The following ABCA4 variants were observed in gnomAD, a reference collection of about 807,000 sequenced individuals.
The protein encoded by ABCA4 is retinal-specific phospholipid-transporting ATPase ABCA4.
Under a neutral mutation model 263.7 loss-of-function variants are expected in ABCA4, and 196 were observed. The ratio of observed to expected loss-of-function variants is 0.74; its 90% confidence interval spans 0.66 to 0.84. ABCA4 has a LOEUF of 0.84. Ranked by LOEUF, ABCA4 falls within the 40% of genes least tolerant of loss-of-function variation. ABCA4 has a pLI of 0.00. For missense variants in ABCA4, 2,792 were observed against 2,855.1 expected (o/e 0.98, Z 0.50); for synonymous variants, 1,133 against 1,094.2 (o/e 1.04, Z -0.70).
intron 36 of ABCA4, among the ~76,000 whole-genome samples, chr1:94,016,871 G>A (rs939146641): frequency 3.3e-5 from 5 of 152,106 alleles, no homozygotes; most frequent in African/African-American, 1.2e-4. Flanking sequence ...CAGGAACCAG[G>A]GCTTCTTGGG....
chr1:94,023,854 C>T (rs976303799), intron 31 of ABCA4, among the ~76,000 whole-genome samples: 1 of 152,176 alleles, frequency 6.6e-6, no homozygotes, highest in African/African-American at 2.4e-5. Flanking sequence ...AAAGTTAAGG[C>T]ACTGACATTC....
chr1:94,114,385 T>C (rs1570435368), intron 1 of ABCA4, among the ~76,000 whole-genome samples: 1 of 152,230 alleles, frequency 6.6e-6, no homozygotes, highest in East Asian at 1.9e-4. Flanking sequence ...TGTAACTTTT[T>C]ACAAGATGTT....
At chr1:94,001,162 T>G in intron 45 of ABCA4, 57 bp from the exon 46 acceptor site, 1 of 1,418,952 alleles carries the variant, frequency 7.0e-7, no homozygotes, top group Admixed American at 1.7e-5. Flanking sequence ...TTCTGATTAC[T>G]GCTTCCCCCT....
chr1:94,062,967 T>C (rs1661172599), intron 12 of ABCA4, 145 bp downstream of exon 12: 1 of 1,053,316 alleles, frequency 9.5e-7, no homozygotes, highest in Non-Finnish European at 1.4e-6. Flanking sequence ...AAGGACTCTT[T>C]GTTGAGCTTT....
intron 6 of ABCA4, among the ~76,000 whole-genome samples, chr1:94,091,515 T>C (rs1157549899): frequency 6.6e-6 from 1 of 151,802 alleles, no homozygotes; most frequent in Non-Finnish European, 1.5e-5. Flanking sequence ...TAAGTTTAGT[T>C]GGAATGGAAC....
At chr1:94,044,562 G>A (rs2101053259) in intron 20 of ABCA4, 51 bp downstream of exon 20, 1 of 1,614,004 alleles carries the variant, frequency 6.2e-7, no homozygotes, top group South Asian at 1.1e-5. Context: ...GTGTGCTGGG[G>A]GCAGAGGTGA....
At chr1:94,013,031 A>T (rs2101011041) in intron 38 of ABCA4, among the ~76,000 whole-genome samples, 1 of 150,878 alleles carries the variant, frequency 6.6e-6, no homozygotes, top group South Asian at 2.1e-4. Flanking sequence ...TGCTTAGCAA[A>T]TGTTGGCTAA....
intron 4 of ABCA4, among the ~76,000 whole-genome samples, chr1:94,106,647 G>A (rs1662444236): frequency 6.6e-6 from 1 of 152,212 alleles, no homozygotes; most frequent in Non-Finnish European, 1.5e-5. Flanking sequence ...AATGCAGTTT[G>A]TAGAAGTTAC....
intron 1 of ABCA4, among the ~76,000 whole-genome samples, chr1:94,117,758 C>T (rs952622532): frequency 2.0e-5 from 3 of 152,130 alleles, no homozygotes; most frequent in African/African-American, 7.2e-5. Context: ...TCCTTCTACT[C>T]CACGGTCTCC....
intron 11 of ABCA4, among the ~76,000 whole-genome samples, chr1:94,077,394 A>G (rs1443208758): frequency 6.6e-6 from 1 of 152,310 alleles, no homozygotes; most frequent in East Asian, 1.9e-4. Flanking sequence ...CACTCAAGCA[A>G]TGTCAGACAG....
rs575968112 is a variant in ABCA4, at chr1:94,006,191, A to T, written c.6006-609T>A. On this transcript the variant is annotated intron_variant, in intron 43 of 49. Transcript: ENST00000370225. ...AGTCTAATCTCATCCTTTTCTTCTTATAGCTTAGGGTCTATGAATAAAGGA... is the reference window on the plus strand; with the variant it reads ...AGTCTAATCTCATCCTTTTCTTCTTTTAGCTTAGGGTCTATGAATAAAGGA... Among the ~76,000 whole-genome samples, 569 of 152,326 alleles carry T rather than the reference A, an allele frequency of 3.7e-3. No individual in the cohort carries two copies. Among genetic ancestry groups the T allele is most frequent in the Non-Finnish European group, 4.2e-3 (288 of 68,030 alleles).
chr1:94,096,857 C>T (rs897210186), intron 6 of ABCA4, among the ~76,000 whole-genome samples: 2 of 152,194 alleles, frequency 1.3e-5, no homozygotes, highest in African/African-American at 4.8e-5. Context: ...ATTGCACGAA[C>T]CTGGGTACCC....
chr1:94,112,884 C>T, intron 2 of ABCA4, 89 bp downstream of exon 2: 1 of 919,526 alleles, frequency 1.1e-6, no homozygotes, highest in Non-Finnish European at 1.8e-6. Flanking sequence ...CAGATCTGAT[C>T]CCCACACTCC....
At chr1:94,072,013 A>T (rs1661412916) in intron 11 of ABCA4, among the ~76,000 whole-genome samples, 1 of 152,248 alleles carries the variant, frequency 6.6e-6, no homozygotes, top group Non-Finnish European at 1.5e-5. Context: ...AGTCTAAAGT[A>T]CATTACATGA....
intron 11 of ABCA4, among the ~76,000 whole-genome samples, chr1:94,064,682 A>G (rs980143806): frequency 2.0e-5 from 3 of 152,136 alleles, no homozygotes; most frequent in African/African-American, 4.8e-5. Context: ...AGGTAATTGC[A>G]AGGCACAGAA....
At chr1:94,038,544 T>C (rs1660404676) in intron 24 of ABCA4, among the ~76,000 whole-genome samples, 1 of 152,358 alleles carries the variant, frequency 6.6e-6, no homozygotes, top group East Asian at 1.9e-4. Context: ...GAAGTCTTGC[T>C]TTATGTCAAA....
At chr1:94,095,858 T>C (rs1336862586) in intron 6 of ABCA4, among the ~76,000 whole-genome samples, 1 of 149,346 alleles carries the variant, frequency 6.7e-6, no homozygotes, top group Non-Finnish European at 1.5e-5. Flanking sequence ...TTCGGTTGGA[T>C]CTTTCTCCAC....
At chr1:94,076,206 A>G (rs1443148830) in intron 11 of ABCA4, among the ~76,000 whole-genome samples, 1 of 152,158 alleles carries the variant, frequency 6.6e-6, no homozygotes, top group Non-Finnish European at 1.5e-5. Flanking sequence ...CAGAGTACAC[A>G]GGGGTGGGTA....
At chr1:94,099,950 G>A (rs1662243917) in intron 5 of ABCA4, among the ~76,000 whole-genome samples, 2 of 152,154 alleles carry the variant, frequency 1.3e-5, no homozygotes, top group Non-Finnish European at 2.9e-5. Context: ...CCAGGGACCT[G>A]TGGCCACCCA....
Sources: allele counts gnomAD v4.1 joint callset (sites outside exome capture counted in the v4.1 genomes callset), GRCh38; gene constraint gnomAD v4.1.1; transcripts MANE v1.5; gene names NCBI Gene and HGNC (gene_info 2026-07-23, HGNC 2026-07-21).